The following SNX2 variants were observed in gnomAD, a reference collection of about 807,000 sequenced individuals.
SNX2 encodes the protein sorting nexin-2.
A neutral mutation model predicts 69.9 loss-of-function variants in SNX2; 25 were observed. The observed-to-expected ratio is 0.36, with a 90% CI of 0.26 to 0.50. The LOEUF is 0.50. Among genes scored for constraint, SNX2 ranks in the 20% least tolerant of loss-of-function variants. The pLI is 0.97. For missense variants in SNX2, 551 were observed against 613.3 expected, an observed-to-expected ratio of 0.90 and a Z score of 1.07; for synonymous variants, 229 against 200.4, an observed-to-expected ratio of 1.14 and a Z score of -1.20.
intron 2 of SNX2, among the ~76,000 whole-genome samples, chr5:122,797,042 C>T (rs551348789): frequency 3.5e-4 from 53 of 152,318 alleles, no homozygotes; most frequent in African/African-American, 1.3e-3. Context: ...ATTCTCCAAC[C>T]CTTGCTTCTC....
At chr5:122,796,273 C>T (rs570965977) in intron 2 of SNX2, among the ~76,000 whole-genome samples, 1 of 152,090 alleles carries the variant, frequency 6.6e-6, no homozygotes, top group African/African-American at 2.4e-5. Context: ...TAATTATGTT[C>T]TCATCTTTCA....
intron 11 of SNX2, among the ~76,000 whole-genome samples, chr5:122,819,686 C>T (rs551095228): frequency 6.6e-6 from 1 of 152,284 alleles, no homozygotes; most frequent in East Asian, 1.9e-4. Flanking sequence ...TCAGAAGATA[C>T]TTTAAGATCT....
intron 2 of SNX2, chr5:122,795,590 T>C (rs1345040843): frequency 6.9e-6 from 3 of 437,820 alleles, no homozygotes; most frequent in East Asian, 7.4e-5. Context: ...TCTTTCTGGC[T>C]GTAAGCATTT....
chr5:122,795,620 T>C (rs1403174932), intron 2 of SNX2: 1 of 344,868 alleles, frequency 2.9e-6, no homozygotes. Context: ...TTGTATATTA[T>C]AATTTGATTG....
At chr5:122,786,861 C>G (rs1753102912) in intron 1 of SNX2, among the ~76,000 whole-genome samples, 1 of 152,016 alleles carries the variant, frequency 6.6e-6, no homozygotes, top group African/African-American at 2.4e-5. Flanking sequence ...CCTTGTTGAT[C>G]TTGTTTGGAA....
At chr5:122,809,684 A>G (rs1342054514) in intron 7 of SNX2, among the ~76,000 whole-genome samples, 1 of 151,938 alleles carries the variant, frequency 6.6e-6, no homozygotes, top group Non-Finnish European at 1.5e-5. Flanking sequence ...GGTGGTATCT[A>G]TTTCTCTAGG....
intron 5 of SNX2, 137 bp from the exon 6 acceptor site, chr5:122,803,335 T>C: frequency 1.4e-6 from 1 of 728,668 alleles, no homozygotes; most frequent in Non-Finnish European, 2.1e-6. Flanking sequence ...GTTAGAAACC[T>C]ATATACCACA....
At chr5:122,775,062 G>A (rs1233057499), upstream of SNX2, 12 of 1,546,428 alleles carry the variant, frequency 7.8e-6, no homozygotes, top group Non-Finnish European at 1.0e-5. Flanking sequence ...CACGTGACGG[G>A]TCCGCGAGGC....
At chr5:122,829,550 T>C (rs1754234138) in intron 14 of SNX2, 48 bp from the exon 15 acceptor site, 1 of 1,487,956 alleles carries the variant, frequency 6.7e-7, no homozygotes, top group Non-Finnish European at 9.4e-7. Flanking sequence ...TGCATATAAA[T>C]GACAAAAAGG....
chr5:122,776,653 G>T (rs1445981319), intron 1 of SNX2, among the ~76,000 whole-genome samples: 1 of 152,106 alleles, frequency 6.6e-6, no homozygotes, highest in Non-Finnish European at 1.5e-5. Context: ...TACATGTGTT[G>T]AAAGTGTCTG....
chr5:122,807,434 AT>A (rs1291664851), intron 6 of SNX2, among the ~76,000 whole-genome samples: 6 of 152,080 alleles, frequency 3.9e-5, no homozygotes, highest in Non-Finnish European at 8.8e-5. Flanking sequence ...GCAGTCACTA[AT>A]TTACTTTCTT....
chr5:122,807,863 T>C (rs963562152), intron 6 of SNX2, among the ~76,000 whole-genome samples: 4 of 152,168 alleles, frequency 2.6e-5, no homozygotes, highest in Non-Finnish European at 5.9e-5. Flanking sequence ...AAGTAAAGAA[T>C]TTTAATTATT....
At chr5:122,775,074 C>G (rs369784618), upstream of SNX2, 3 of 1,561,038 alleles carry the variant, frequency 1.9e-6, no homozygotes, top group South Asian at 3.5e-5. Context: ...CCGCGAGGCC[C>G]AGCTCGCGCA....
chr5:122,803,748 C>A, intron 6 of SNX2, 135 bp downstream of exon 6: 1 of 618,066 alleles, frequency 1.6e-6, no homozygotes. Context: ...TTAAGTATTT[C>A]ATTTATACTA....
Position 122,808,284 on chromosome 5 carries a change from C to T in SNX2, c.651C>T (p.Thr217=). The T allele has an allele frequency of 6.2e-7, 1 of 1,605,122 alleles. No homozygotes were observed. Among genetic ancestry groups the T allele is most frequent in the Non-Finnish European group, 8.5e-7 (1 of 1,176,048 alleles). Residue 217 remains threonine, a synonymous_variant, in exon 7 of 15, where the codon ACC becomes ACT. Transcript: ENST00000379516. ...CATTCAACTTCTTCAAAGGGATGAC[C>T]AAGGTCAAAGTGGGTAAAGAAGACT... The part of the protein sequence containing the change: ...PAPEKSIVGM[T]KVKVGKEDSS...
At chr5:122,819,382 T>C (rs1434747746) in intron 11 of SNX2, among the ~76,000 whole-genome samples, 1 of 152,208 alleles carries the variant, frequency 6.6e-6, no homozygotes, top group Non-Finnish European at 1.5e-5. Flanking sequence ...GACTGTGTAA[T>C]AAATAGGATA....
chr5:122,824,835 C>A (rs1003912355), intron 11 of SNX2, among the ~76,000 whole-genome samples: 1 of 152,130 alleles, frequency 6.6e-6, no homozygotes, highest in African/African-American at 2.4e-5. Flanking sequence ...AGAAGTAATC[C>A]ATAATGGCTG....
chr5:122,823,312 AAAC>A (rs1292219018), intron 11 of SNX2, among the ~76,000 whole-genome samples: 1 of 151,518 alleles, frequency 6.6e-6, no homozygotes, highest in Non-Finnish European at 1.5e-5. Flanking sequence ...AAAGGAAAGA[AAAC>A]AAACGAAGAA....
chr5:122,815,883 C>T lies in SNX2; in HGVS notation c.723-13C>T, dbSNP rs756080559. On this transcript the variant is annotated splice_polypyrimidine_tract_variant and intron_variant, in intron 7 of 14. Transcript: ENST00000379516. Reference sequence around the variant, plus strand: ...TGCTACTGATAAAGGAGCAATTTTACTCTTAAATCTAGGTATCTTCAAAGA... The same window carrying T: ...TGCTACTGATAAAGGAGCAATTTTATTCTTAAATCTAGGTATCTTCAAAGA... 3.4e-4 allele frequency: 506 copies of T among 1,479,468 alleles called. No homozygotes were observed. The highest frequency in any genetic ancestry group is 4.7e-4 in the Admixed American group (24 of 51,146). 91.6% of individuals were successfully genotyped at this position (1,479,468 alleles called of 1,614,324 possible).
Sources: allele counts gnomAD v4.1 joint callset (sites outside exome capture counted in the v4.1 genomes callset), GRCh38; gene constraint gnomAD v4.1.1; transcripts MANE v1.5; gene names NCBI Gene and HGNC (gene_info 2026-07-23, HGNC 2026-07-21).